Variants in DBF4B observed in about 807,000 individuals in gnomAD.
The protein encoded by DBF4B is protein DBF4 homolog B.
A neutral mutation model predicts 53.4 loss-of-function variants in DBF4B; 49 were observed. That is an observed-to-expected ratio of 0.92 (90% CI 0.73 to 1.16). DBF4B has a LOEUF of 1.16. DBF4B is among the 50% of genes most tolerant of loss of function. DBF4B has a pLI of 0.00. For missense variants in DBF4B, 692 were observed against 775.0 expected (o/e 0.89, Z 1.27); for synonymous variants, 257 against 288.7 (o/e 0.89, Z 1.11).
chr17:44,736,977 TC>T, intron 8 of DBF4B, 111 bp downstream of exon 8: 1 of 1,299,772 alleles, frequency 7.7e-7, no homozygotes, highest in South Asian at 1.2e-5. Context: ...AGCAAGCGAG[TC>T]CAGGTTATCT....
intron 10 of DBF4B, 54 bp downstream of exon 10, chr17:44,741,506 C>A: frequency 8.0e-7 from 1 of 1,244,512 alleles, no homozygotes; most frequent in Non-Finnish European, 1.1e-6. Context: ...CAAAGTCCTC[C>A]CCATCGGGGG....
chr17:44,734,065 C>T (rs1470444445), intron 6 of DBF4B, 25 bp from the exon 7 acceptor site: 20 of 1,602,426 alleles, frequency 1.2e-5, no homozygotes, highest in Middle Eastern at 1.6e-4. Context: ...AAGCCTTTGG[C>T]ACAAACCCTC....
chr17:44,729,791 A>T, intron 3 of DBF4B, 114 bp from the exon 4 acceptor site: 1 of 1,120,730 alleles, frequency 8.9e-7, no homozygotes, highest in Non-Finnish European at 1.3e-6. Flanking sequence ...TAGTCTATTT[A>T]AAGACATTGA....
intron 2 of DBF4B, among the ~76,000 whole-genome samples, chr17:44,722,235 A>AACACACACACAC (rs372541456): frequency 1.3e-5 from 2 of 151,462 alleles, no homozygotes; most frequent in African/African-American, 4.8e-5. Flanking sequence ...TGTGCTCTCC[A>AACACACACACAC]ACACACACAC....
chr17:44,724,313 C>T (rs1416331095), intron 3 of DBF4B, among the ~76,000 whole-genome samples: 1 of 152,166 alleles, frequency 6.6e-6, no homozygotes, highest in Non-Finnish European at 1.5e-5. Context: ...ATGAGACTCG[C>T]TTGAGCCCCG....
At chr17:44,737,041 C>G (rs1253454065) in intron 8 of DBF4B, among the ~76,000 whole-genome samples, 175 bp downstream of exon 8, 1 of 152,162 alleles carries the variant, frequency 6.6e-6, no homozygotes, top group Non-Finnish European at 1.5e-5. Flanking sequence ...GCGAGAGAGG[C>G]ATGCCCAAGA....
intron 12 of DBF4B, 102 bp downstream of exon 12, chr17:44,747,617 G>A (rs1213155293): frequency 2.1e-6 from 3 of 1,448,668 alleles, no homozygotes; most frequent in East Asian, 2.4e-5. Flanking sequence ...ACCAGACTGT[G>A]ATGTTTTCCT....
At position 44,749,817 on chromosome 17, in the gene DBF4B, CCCCGGCCT is replaced by C; in HGVS notation, c.1190-775_1190-768del. The C allele has an allele frequency of 9.6e-7, 1 of 1,040,162 alleles. No individual in the cohort carries two copies. The highest frequency in any genetic ancestry group is 3.6e-5 in the South Asian group (1 of 27,846). The allele number at this position is 1,040,162 out of a possible 1,614,324, so 64.4% of individuals were successfully genotyped here. A position where few individuals can be genotyped will look rare whatever the true frequency, so the allele number is the denominator to read the frequency against. ...AGCTGTTGGTGTGCTCCACCCCCAACCCCGGCCTCCTTTCTCACGAGCATGTGGCCGCT... is the reference window on the plus strand; with the variant it reads ...AGCTGTTGGTGTGCTCCACCCCCAACCCTTTCTCACGAGCATGTGGCCGCT... On this transcript the variant is annotated intron_variant, in intron 13 of 13. Transcript: ENST00000315005. This position sits in a 1 kb window ranked among gnomAD's most constrained non-coding sequence, Gnocchi z 4.4.
chr17:44,736,973 C>A, intron 8 of DBF4B, 107 bp downstream of exon 8: 1 of 1,336,492 alleles, frequency 7.5e-7, no homozygotes, highest in Non-Finnish European at 1.1e-6. Context: ...TGGCAGCAAG[C>A]GAGTCCAGGT....
intron 2 of DBF4B, among the ~76,000 whole-genome samples, chr17:44,714,340 A>C (rs1448299481): frequency 6.6e-6 from 1 of 152,192 alleles, no homozygotes; most frequent in Non-Finnish European, 1.5e-5. Context: ...AATACTTTTG[A>C]AAATGAAGTA....
At chr17:44,740,816 G>A (rs1975928758) in intron 9 of DBF4B, among the ~76,000 whole-genome samples, 1 of 152,140 alleles carries the variant, frequency 6.6e-6, no homozygotes, top group South Asian at 2.1e-4. Flanking sequence ...AGGATTCCAG[G>A]GAGGCAGTGG....
chr17:44,731,446 C>A, intron 5 of DBF4B: 1 of 202,344 alleles, frequency 4.9e-6, no homozygotes, highest in South Asian at 8.0e-5. Flanking sequence ...CCCATCTCTA[C>A]CGAAAAATTA....
chr17:44,730,365 G>A (rs1343251209), intron 4 of DBF4B, among the ~76,000 whole-genome samples: 1 of 152,188 alleles, frequency 6.6e-6, no homozygotes, highest in Non-Finnish European at 1.5e-5. Flanking sequence ...TCATAAACCA[G>A]AGAAGACGTG....
intron 9 of DBF4B, among the ~76,000 whole-genome samples, chr17:44,740,887 G>A (rs2145079869): frequency 6.6e-6 from 1 of 152,338 alleles, no homozygotes. Context: ...TGTAATCCCA[G>A]CACTTTGGGA....
chr17:44,716,500 T>G (rs1172178554), intron 2 of DBF4B, among the ~76,000 whole-genome samples: 2 of 152,112 alleles, frequency 1.3e-5, no homozygotes, highest in Non-Finnish European at 2.9e-5. Context: ...AGTCCAGGGA[T>G]TTTTTCAGCC....
chr17:44,727,098 C>CAAAAAA (rs60326279), intron 3 of DBF4B, among the ~76,000 whole-genome samples: 2 of 49,516 alleles, frequency 4.0e-5, no homozygotes, highest in African/African-American at 1.6e-4. Flanking sequence ...GACTCCATCT[C>CAAAAAA]AAAAAAAAAA....
chr17:44,732,404 A>G (rs1185094934), intron 6 of DBF4B, 139 bp downstream of exon 6: 3 of 933,992 alleles, frequency 3.2e-6, no homozygotes, highest in Admixed American at 4.5e-5. Flanking sequence ...TTGATCCACA[A>G]AGGTGGGAGG....
At position 44,747,013 on chromosome 17, in the gene DBF4B, TCTA is replaced by T. The variant is rs1050015698; in HGVS notation, c.831-69_831-67del. 65 of 1,434,378 alleles carry T rather than the reference TCTA, an allele frequency of 4.5e-5. No homozygotes were observed. The African/African-American group carries it at 7.9e-4, about 17-fold the overall frequency. 88.9% of individuals were successfully genotyped at this position (1,434,378 alleles called of 1,614,324 possible). A position where few individuals can be genotyped will look rare whatever the true frequency, so the allele number is the denominator to read the frequency against. Reference sequence around the variant, plus strand: ...CCCCTCCCTGACCTAGGCTCCAGGCTCTAAGTAGTGGCTCCTCCCCCCAAGGGC... The same window carrying T: ...CCCCTCCCTGACCTAGGCTCCAGGCTAGTAGTGGCTCCTCCCCCCAAGGGC... On this transcript the variant is annotated intron_variant, in intron 10 of 13. Coordinates refer to ENST00000315005, the MANE Select transcript of DBF4B (RefSeq NM_145663.3).
At chr17:44,729,742 G>C (rs1334853134) in intron 3 of DBF4B, among the ~76,000 whole-genome samples, 163 bp from the exon 4 acceptor site, 1 of 148,352 alleles carries the variant, frequency 6.7e-6, no homozygotes, top group Non-Finnish European at 1.5e-5. Context: ...TTAGATTTCA[G>C]GATGATGTCT....
Sources: gnomAD v4.1 joint callset for allele counts (sites outside exome capture counted in the v4.1 genomes callset) on GRCh38, gnomAD v4.1.1 for gene constraint, Gnocchi (gnomAD v3.1) non-coding constraint, MANE v1.5 for transcripts, NCBI Gene and HGNC (gene_info 2026-07-23, HGNC 2026-07-21) for gene names.